The following EP400 variants were observed in gnomAD, a reference collection of about 807,000 sequenced individuals.
The protein encoded by EP400 is E1A-binding protein p400.
In EP400, 105 loss-of-function variants were observed where a neutral mutation model predicts 354.1. The ratio of observed to expected loss-of-function variants is 0.30; its 90% confidence interval spans 0.25 to 0.35. EP400 has a LOEUF of 0.35. Among genes scored for constraint, EP400 ranks in the 10% least tolerant of loss-of-function variants. The pLI, the probability that EP400 is intolerant of heterozygous loss-of-function variation, is 1.00. For missense variants in EP400, 3,280 were observed against 4,121.0 expected, an observed-to-expected ratio of 0.80 and a Z score of 5.59; for synonymous variants, 1,646 against 1,716.9, an observed-to-expected ratio of 0.96 and a Z score of 1.02.
chr12:132,055,307 G>A, intron 45 of EP400, 99 bp downstream of exon 45: 3 of 988,552 alleles, frequency 3.0e-6, no homozygotes, highest in Non-Finnish European at 4.4e-6. Context: ...GTATTCCATT[G>A]GTGAAAAACT....
Position 131,982,345 on chromosome 12 carries a change from C to T in EP400, c.1796C>T (p.Pro599Leu). The change falls in exon 5 of 53, where the codon CCC becomes CTC. Residue 599 changes from proline to leucine, a missense_variant. By Grantham distance (98) the Pro-to-Leu change is moderately conservative. Coordinates refer to ENST00000389561, the MANE Select transcript of EP400 (RefSeq NM_015409.5). ...CAAATCCCGGTGAAGACTCAGCAGC[C>T]CAATGTTCCCATCCCTGCACCGCCC... is the stretch of plus-strand genomic sequence containing the variant. The part of the protein sequence containing the change: ...QLQIPVKTQQ[P>L]NVPIPAPPSS... The T allele has an allele frequency of 1.2e-6, 2 of 1,614,180 alleles. No individual in the cohort carries two copies. The highest frequency in any genetic ancestry group is 2.7e-5 in the African/African-American group (2 of 75,030).
intron 15 of EP400, among the ~76,000 whole-genome samples, chr12:132,011,018 G>A (rs1893745648): frequency 1.3e-5 from 2 of 152,218 alleles, no homozygotes; most frequent in Admixed American, 1.3e-4. Flanking sequence ...GATGTGCCCT[G>A]ACTAAAGCTT....
chr12:131,954,511 G>T (rs954403154), intron 1 of EP400, among the ~76,000 whole-genome samples: 38 of 152,094 alleles, frequency 2.5e-4, no homozygotes, highest in African/African-American at 9.2e-4. Flanking sequence ...GATCACTTGA[G>T]GTTAGGAGTT....
chr12:131,995,248 G>A (rs1306993682), intron 12 of EP400, among the ~76,000 whole-genome samples: 1 of 152,042 alleles, frequency 6.6e-6, no homozygotes, highest in African/African-American at 2.4e-5. Flanking sequence ...ATCCACCACA[G>A]CTTGACTGAA....
chr12:131,967,799 T>C (rs1229265734), intron 2 of EP400, among the ~76,000 whole-genome samples: 1 of 152,228 alleles, frequency 6.6e-6, no homozygotes, highest in Non-Finnish European at 1.5e-5. Flanking sequence ...GTTTTGCTTC[T>C]TCTCTAGTAC....
chr12:132,053,297 C>G, intron 42 of EP400, 46 bp from the exon 43 acceptor site: 1 of 1,603,154 alleles, frequency 6.2e-7, no homozygotes, highest in Non-Finnish European at 8.5e-7. Flanking sequence ...GGTATGCAGG[C>G]CGAGTCTGCC....
chr12:132,071,222 A>G (rs1896058164), intron 51 of EP400, among the ~76,000 whole-genome samples: 1 of 151,412 alleles, frequency 6.6e-6, no homozygotes, highest in Admixed American at 6.6e-5. Context: ...GCCCATGTGT[A>G]TGAACTCCCT....
chr12:132,043,994 T>A (rs1310357591), intron 34 of EP400, among the ~76,000 whole-genome samples, 183 bp from the exon 35 acceptor site: 1 of 152,246 alleles, frequency 6.6e-6, no homozygotes, highest in African/African-American at 2.4e-5. Context: ...TGGGGCTTGT[T>A]CTGCCCTCGA....
rs1018469569 is a variant in EP400 at position 132,062,671 on chromosome 12, A to G, written c.8304A>G (p.Ala2768=). The G allele has an allele frequency of 6.2e-7, 1 of 1,614,052 alleles. No individual in the cohort carries two copies. Among genetic ancestry groups the G allele is most frequent in the Non-Finnish European group, 8.5e-7 (1 of 1,180,046 alleles). Residue 2768 remains alanine, a synonymous_variant, in exon 47 of 53, where the codon GCA becomes GCG. Coordinates refer to ENST00000389561, the MANE Select transcript of EP400 (RefSeq NM_015409.5). ...TCCAGGGCCAGGCCCAGTCCCCAGC[A>G]CAGATCAAAGCTGTGGGCAAGCTGA... ...PQIQGQAQSP[A]QIKAVGKLTP... is the part of the protein sequence containing the mutation.
At position 132,050,302 on chromosome 12, in the gene EP400, C is replaced by G; in HGVS notation, c.7201-21C>G. 1 of 1,613,764 alleles carries G rather than the reference C, an allele frequency of 6.2e-7. No individual in the cohort carries two copies. The highest frequency in any genetic ancestry group is 1.1e-5 in the South Asian group (1 of 91,020). On this transcript the variant is annotated intron_variant, in intron 39 of 52. Coordinates refer to ENST00000389561, the MANE Select transcript of EP400 (RefSeq NM_015409.5). This position sits in a 1 kb window ranked among gnomAD's most constrained non-coding sequence, Gnocchi z 4.8. ...GTCCATGCTGCCTAATTCAGATGCA[C>G]TCTCGTCAATTTCATTGCAGAGTAA...
chr12:131,956,832 A>G (rs1428751672), intron 1 of EP400, among the ~76,000 whole-genome samples: 1 of 149,598 alleles, frequency 6.7e-6, no homozygotes, highest in Admixed American at 6.7e-5. Context: ...AAGCTGGTTA[A>G]GTACATGCTT....
At chr12:132,049,147 CA>C (rs1895211072) in intron 39 of EP400, among the ~76,000 whole-genome samples, 1 of 152,250 alleles carries the variant, frequency 6.6e-6, no homozygotes, top group Non-Finnish European at 1.5e-5. Flanking sequence ...CCCCACCTCT[CA>C]AAGCCTGCGG....
chr12:131,982,710 C>T (rs1027570372), intron 5 of EP400, among the ~76,000 whole-genome samples: 1 of 152,172 alleles, frequency 6.6e-6, no homozygotes, highest in African/African-American at 2.4e-5. Flanking sequence ...GTGACTCACG[C>T]CTGTAATCCC....
rs1485405005 is a variant in EP400, at chr12:132,050,913, G to A, written c.7394+258G>A. ...TCAGTGGGGAAAGACGCTGACAGATGTGATGAGTGTGCCAGGGCCATGTGG... is the reference window on the plus strand; with the variant it reads ...TCAGTGGGGAAAGACGCTGACAGATATGATGAGTGTGCCAGGGCCATGTGG... On this transcript the variant is annotated intron_variant, in intron 41 of 52. Transcript: ENST00000389561. This position sits in a 1 kb window ranked among gnomAD's most constrained non-coding sequence, Gnocchi z 4.8. 1 of 565,652 alleles carries A rather than the reference G, an allele frequency of 1.8e-6. No individual in the cohort carries two copies. Among genetic ancestry groups the A allele is most frequent in the East Asian group, 2.9e-5 (1 of 33,938 alleles). The allele number at this position is 565,652 out of a possible 1,614,324, so 35.0% of individuals were successfully genotyped here.
intron 5 of EP400, among the ~76,000 whole-genome samples, chr12:131,985,190 C>G (rs1419024806): frequency 1.3e-5 from 2 of 152,250 alleles, no homozygotes; most frequent in Non-Finnish European, 1.5e-5. Flanking sequence ...TTTACAAAGT[C>G]TGTAGGAACC....
chr12:132,021,642 C>A (rs544955736), intron 23 of EP400, among the ~76,000 whole-genome samples: 25 of 152,348 alleles, frequency 1.6e-4, no homozygotes, highest in African/African-American at 5.8e-4. Flanking sequence ...CTTGTTCCAC[C>A]AGCCACACAG....
chr12:131,966,773 G>A (rs1042647226), intron 2 of EP400, among the ~76,000 whole-genome samples: 12 of 150,654 alleles, frequency 8.0e-5, no homozygotes, highest in Admixed American at 6.6e-5. Flanking sequence ...GCATGGTGGC[G>A]GGCACCTGTA....
intron 4 of EP400, 43 bp from the exon 5 acceptor site, chr12:131,982,050 A>G (rs201599856): frequency 1.3e-6 from 2 of 1,498,608 alleles, no homozygotes; most frequent in Non-Finnish European, 1.8e-6. Flanking sequence ...AGAAGCTGCC[A>G]CACTTGGGAA....
chr12:131,973,966 G>A (rs1208156576), intron 2 of EP400, among the ~76,000 whole-genome samples: 2 of 150,386 alleles, frequency 1.3e-5, no homozygotes, highest in Admixed American at 6.6e-5. Context: ...TGTTTCTTAC[G>A]TTACTTTACG....
Sources: allele counts gnomAD v4.1 joint callset (sites outside exome capture counted in the v4.1 genomes callset), GRCh38; gene constraint gnomAD v4.1.1; non-coding constraint Gnocchi (gnomAD v3.1); transcripts MANE v1.5; gene names NCBI Gene and HGNC (gene_info 2026-07-23, HGNC 2026-07-21).